GRIK2: variants seen among roughly 807,000 people sequenced by gnomAD.
GRIK2 encodes glutamate ionotropic receptor kainate type subunit 2, also known as glutamate receptor ionotropic, kainate 2.
GRIK2 carries 32 observed loss-of-function variants against 100.3 expected under a neutral mutation model. The ratio of observed to expected loss-of-function variants is 0.32; its 90% CI spans 0.24 to 0.43. The LOEUF is 0.43. Among genes scored for constraint, GRIK2 ranks in the 20% least tolerant of loss-of-function variants. The probability of loss-of-function intolerance (pLI) is 1.00; values close to 1 mark genes in which losing one functional copy is unlikely to be tolerated. For missense variants in GRIK2, 843 were observed against 1,114.9 expected (o/e 0.76, Z 3.47); for synonymous variants, 417 against 389.4 (o/e 1.07, Z -0.83).
At chr6:101,880,523 C>T (rs1786173735) in intron 11 of GRIK2, among the ~76,000 whole-genome samples, 1 of 151,868 alleles carries the variant, frequency 6.6e-6, no homozygotes, top group African/African-American at 2.4e-5. Flanking sequence ...TCAGTGGATA[C>T]TGATTAATAG....
At chr6:101,898,064 A>T (rs1787588743) in intron 12 of GRIK2, among the ~76,000 whole-genome samples, 1 of 151,914 alleles carries the variant, frequency 6.6e-6, no homozygotes, top group South Asian at 2.1e-4. Context: ...TTTGAGAACT[A>T]TAAAGAGATT....
intron 7 of GRIK2, among the ~76,000 whole-genome samples, chr6:101,765,522 A>G (rs1777994512): frequency 6.6e-6 from 1 of 152,102 alleles, no homozygotes; most frequent in African/African-American, 2.4e-5. Context: ...TGATTCAATT[A>G]TTTCAGATTG....
At chr6:101,690,859 G>T (rs1283231783) in intron 7 of GRIK2, among the ~76,000 whole-genome samples, 1 of 152,006 alleles carries the variant, frequency 6.6e-6, no homozygotes, top group Non-Finnish European at 1.5e-5. Flanking sequence ...CAGGTTTTCT[G>T]TTACCTTTTA....
intron 14 of GRIK2, 61 bp downstream of exon 14, chr6:101,928,693 G>T: frequency 3.6e-6 from 3 of 822,156 alleles, no homozygotes; most frequent in East Asian, 4.9e-5. Flanking sequence ...AACTTCTCTC[G>T]ATTCACAAAT....
intron 2 of GRIK2, among the ~76,000 whole-genome samples, chr6:101,469,425 C>A (rs1771832953): frequency 1.3e-5 from 2 of 152,124 alleles, no homozygotes. Flanking sequence ...AAAATGTTAA[C>A]CCACTGGGCC....
chr6:101,955,094 A>C (rs1791831133), intron 14 of GRIK2, among the ~76,000 whole-genome samples: 1 of 152,056 alleles, frequency 6.6e-6, no homozygotes, highest in Non-Finnish European at 1.5e-5. Flanking sequence ...TGCTGGAGTC[A>C]GTGTGCTGGT....
intron 2 of GRIK2, among the ~76,000 whole-genome samples, chr6:101,610,213 A>G (rs1460593068): frequency 6.6e-6 from 1 of 151,546 alleles, no homozygotes; most frequent in Non-Finnish European, 1.5e-5. Flanking sequence ...GAAGAAATGA[A>G]GGACCTATCT....
intron 15 of GRIK2, among the ~76,000 whole-genome samples, chr6:102,039,205 T>A (rs1309170907): frequency 6.6e-6 from 1 of 151,464 alleles, no homozygotes; most frequent in Non-Finnish European, 1.5e-5. Flanking sequence ...CAGAATAAGC[T>A]ATTTAATTAA....
At chr6:101,556,321 ATTTTTTTTTTTTT>A (rs10528480) in intron 2 of GRIK2, among the ~76,000 whole-genome samples, 21 of 59,404 alleles carry the variant, frequency 3.5e-4, no homozygotes, top group Non-Finnish European at 4.0e-4. Flanking sequence ...TATATTGGTA[ATTTTTTTTTTTTT>A]TTTTTTTTTT....
chr6:102,019,822 C>T (rs548345177), intron 14 of GRIK2, among the ~76,000 whole-genome samples: 1 of 151,956 alleles, frequency 6.6e-6, no homozygotes, highest in South Asian at 2.1e-4. Context: ...TTAAATTAAC[C>T]ATCTAACTGC....
intron 3 of GRIK2, among the ~76,000 whole-genome samples, chr6:101,624,769 G>C (rs1295706399): frequency 6.6e-6 from 1 of 151,778 alleles, no homozygotes; most frequent in Non-Finnish European, 1.5e-5. Context: ...TTTTGGTCTG[G>C]CACCCAGGTA....
chr6:101,890,416 T>G (rs1197231452), intron 12 of GRIK2: 1 of 152,240 alleles, frequency 6.6e-6, no homozygotes, highest in Non-Finnish European at 1.5e-5. Flanking sequence ...GTAGGGTATG[T>G]TTCAAGTCAT....
At chr6:101,751,275 T>C (rs1776770901) in intron 7 of GRIK2, among the ~76,000 whole-genome samples, 1 of 151,978 alleles carries the variant, frequency 6.6e-6, no homozygotes, top group South Asian at 2.1e-4. Context: ...TTTTACTTTT[T>C]ATTATGGGGA....
At chr6:101,471,245 A>T (rs187519044) in intron 2 of GRIK2, among the ~76,000 whole-genome samples, 2 of 152,192 alleles carry the variant, frequency 1.3e-5, no homozygotes, top group East Asian at 3.9e-4. Context: ...AGCCCTATCT[A>T]TAACGCTTTG....
At chr6:101,702,864 C>G (rs1353587661) in intron 7 of GRIK2, among the ~76,000 whole-genome samples, 1 of 151,778 alleles carries the variant, frequency 6.6e-6, no homozygotes, top group African/African-American at 2.4e-5. Context: ...TGGAAACAAG[C>G]AAGGTGCATC....
intron 14 of GRIK2, among the ~76,000 whole-genome samples, chr6:102,017,727 T>C (rs1048803573): frequency 2.0e-5 from 3 of 152,178 alleles, no homozygotes; most frequent in African/African-American, 4.8e-5. Context: ...ATTTTCAGTA[T>C]ATTTCTCTCT....
At chr6:101,778,683 C>T (rs538590476) in intron 7 of GRIK2, among the ~76,000 whole-genome samples, 2 of 152,062 alleles carry the variant, frequency 1.3e-5, no homozygotes, top group Admixed American at 1.3e-4. Context: ...ATTTTTAGTA[C>T]ATCTGAGAAA....
At chr6:102,039,286 G>GCTT (rs1770445576) in intron 15 of GRIK2, among the ~76,000 whole-genome samples, 1 of 151,432 alleles carries the variant, frequency 6.6e-6, no homozygotes. Flanking sequence ...TGCTAAATAA[G>GCTT]CTTAAGCAGG....
At chr6:101,916,900 A>G (rs1789148935) in intron 12 of GRIK2, among the ~76,000 whole-genome samples, 1 of 151,696 alleles carries the variant, frequency 6.6e-6, no homozygotes, top group South Asian at 2.1e-4. Context: ...GGCTTGTTTT[A>G]AACAATTTTA....
Sources: gnomAD v4.1 joint callset for allele counts (sites outside exome capture counted in the v4.1 genomes callset) on GRCh38, gnomAD v4.1.1 for gene constraint, MANE v1.5 for transcripts, NCBI Gene and HGNC (gene_info 2026-07-23, HGNC 2026-07-21) for gene names.